LRRC7: variants seen among roughly 807,000 people sequenced by gnomAD.
LRRC7 encodes the protein leucine rich repeat containing 7.
Under a neutral mutation model 175.7 loss-of-function variants are expected in LRRC7, and 23 were observed. That is an observed-to-expected ratio of 0.13 (90% CI 0.09 to 0.19). The LOEUF (loss-of-function observed/expected upper bound fraction) is 0.19, where lower values mean the gene tolerates loss of function less well. Among genes scored for constraint, LRRC7 ranks in the 10% least tolerant of loss-of-function variants. The pLI is 1.00. For synonymous variants in LRRC7, 685 were observed against 680.9 expected (o/e 1.01, Z -0.09); for missense variants, 1,354 against 1,904.7 (o/e 0.71, Z 5.38).
At chr1:69,976,469 A>T (rs1652832704) in intron 8 of LRRC7, among the ~76,000 whole-genome samples, 1 of 152,190 alleles carries the variant, frequency 6.6e-6, no homozygotes. Context: ...TCAAAAATTA[A>T]TCTCCTTTGG....
At chr1:69,855,479 T>A (rs1373484276) in intron 7 of LRRC7, among the ~76,000 whole-genome samples, 1 of 152,198 alleles carries the variant, frequency 6.6e-6, no homozygotes. Flanking sequence ...GATTGCACTG[T>A]GGTTTGAGGG....
chr1:69,935,944 A>T (rs376717303), intron 8 of LRRC7, among the ~76,000 whole-genome samples: 1 of 151,978 alleles, frequency 6.6e-6, no homozygotes, highest in African/African-American at 2.4e-5. Context: ...TGAAGGTTTA[A>T]TTTTTTCATA....
intron 22 of LRRC7, 111 bp from the exon 23 acceptor site, chr1:70,052,915 T>C: frequency 8.9e-7 from 1 of 1,119,574 alleles, no homozygotes; most frequent in Non-Finnish European, 1.2e-6. Context: ...ATGTATGTTT[T>C]TCTGCAATTA....
chr1:70,005,609 G>A (rs907512125), intron 11 of LRRC7, among the ~76,000 whole-genome samples: 1 of 152,154 alleles, frequency 6.6e-6, no homozygotes, highest in Non-Finnish European at 1.5e-5. Flanking sequence ...CATTCATTCT[G>A]AAGCATACAT....
intron 6 of LRRC7, 88 bp downstream of exon 6, chr1:69,834,957 C>T: frequency 1.0e-6 from 1 of 974,594 alleles, no homozygotes; most frequent in Non-Finnish European, 1.6e-6. Context: ...TCAAAAGTGT[C>T]AGTTGTGATT....
chr1:69,593,944 A>T (rs1334835915), intron 1 of LRRC7, among the ~76,000 whole-genome samples: 3 of 152,172 alleles, frequency 2.0e-5, no homozygotes, highest in Admixed American at 2.0e-4. Flanking sequence ...GTATCTCCTG[A>T]GTCTTTGCCA....
chr1:69,618,851 G>A (rs1245188818), intron 1 of LRRC7, among the ~76,000 whole-genome samples: 1 of 152,128 alleles, frequency 6.6e-6, no homozygotes, highest in Non-Finnish European at 1.5e-5. Flanking sequence ...ATTTGAAAAG[G>A]CAGAATAAGG....
intron 7 of LRRC7, among the ~76,000 whole-genome samples, chr1:69,863,932 C>T (rs1684631299): frequency 6.6e-6 from 1 of 152,094 alleles, no homozygotes; most frequent in African/African-American, 2.4e-5. Context: ...TGCCTATCAT[C>T]TATCTCTCCT....
intron 24 of LRRC7, among the ~76,000 whole-genome samples, chr1:70,078,842 A>G (rs544758348): frequency 1.3e-5 from 2 of 151,770 alleles, no homozygotes; most frequent in Non-Finnish European, 2.9e-5. Flanking sequence ...ACACACACAC[A>G]CACACACACA....
chr1:69,611,582 A>G (rs1406917447), intron 1 of LRRC7, among the ~76,000 whole-genome samples: 2 of 152,082 alleles, frequency 1.3e-5, no homozygotes, highest in East Asian at 3.9e-4. Flanking sequence ...ACTTCACTTC[A>G]TACATTTTGC....
rs981901907 is a variant in LRRC7, at chr1:70,137,155, A to G, written c.*15268A>G. Among the ~76,000 whole-genome samples the G allele has an allele frequency of 1.3e-5, 2 of 152,238 alleles. No individual in the cohort carries two copies. Among genetic ancestry groups the G allele is most frequent in the Non-Finnish European group, 2.9e-5 (2 of 68,046 alleles). On this transcript the variant is annotated 3_prime_UTR_variant, in exon 27 of 27. Transcript: ENST00000651989. ...TGACAGTGGGGACGTAAATAACTGC[A>G]GTATCATCCTGAATAAATCATATCA...
At chr1:69,775,061 A>G (rs991607256) in intron 3 of LRRC7, among the ~76,000 whole-genome samples, 2 of 152,180 alleles carry the variant, frequency 1.3e-5, no homozygotes, top group African/African-American at 4.8e-5. Context: ...TAGAAGAGAA[A>G]AACACAGGGA....
At chr1:70,110,504 C>T (rs1332674968) in intron 26 of LRRC7, among the ~76,000 whole-genome samples, 1 of 152,160 alleles carries the variant, frequency 6.6e-6, no homozygotes, top group African/African-American at 2.4e-5. Context: ...TTCAGTATTT[C>T]TAATCCTGGA....
chr1:70,003,930 C>T (rs1453438844), intron 11 of LRRC7, among the ~76,000 whole-genome samples: 2 of 152,036 alleles, frequency 1.3e-5, no homozygotes, highest in Non-Finnish European at 2.9e-5. Flanking sequence ...ATACTTTAAA[C>T]AATATTTCAC....
intron 12 of LRRC7, 141 bp from the exon 13 acceptor site, chr1:70,012,833 T>G: frequency 2.9e-6 from 1 of 339,342 alleles, no homozygotes; most frequent in Non-Finnish European, 5.4e-6. Context: ...TTTAAAGAGC[T>G]ACATTATAAA....
chr1:69,927,323 T>C (rs557485504), intron 7 of LRRC7, among the ~76,000 whole-genome samples: 72 of 152,306 alleles, frequency 4.7e-4, no homozygotes, highest in Middle Eastern at 3.4e-3. Flanking sequence ...TTTGTGGCGT[T>C]CTCTGTATTT....
At chr1:70,066,260 T>C (rs1013693139) in intron 23 of LRRC7, among the ~76,000 whole-genome samples, 8 of 152,014 alleles carry the variant, frequency 5.3e-5, no homozygotes, top group African/African-American at 1.9e-4. Context: ...AATTATTATA[T>C]CTGCATTTTC....
intron 2 of LRRC7, among the ~76,000 whole-genome samples, chr1:69,739,827 G>A (rs1183574586): frequency 2.0e-5 from 3 of 152,066 alleles, no homozygotes; most frequent in African/African-American, 7.2e-5. Flanking sequence ...TTTTCAAGAT[G>A]TCAATCACCA....
At position 69,959,780 on chromosome 1, in the gene LRRC7, G is replaced by T. The variant is rs17131095; in HGVS notation, c.712-20599G>T. On this transcript the variant is annotated intron_variant, in intron 8 of 26. Transcript: ENST00000651989. Reference sequence around the variant, plus strand: ...AACCCAATCAGGGATCAGGTGAACGGTCTTAGAAAACAACATTTGTGTATG... The same window carrying T: ...AACCCAATCAGGGATCAGGTGAACGTTCTTAGAAAACAACATTTGTGTATG... 7.6e-3 allele frequency among the ~76,000 whole-genome samples: 1,151 copies of T among 152,170 alleles called. 14 individuals carry two copies. The highest frequency in any genetic ancestry group is 0.027 in the African/African-American group (1,101 of 41,530).
Sources: allele counts gnomAD v4.1 joint callset (sites outside exome capture counted in the v4.1 genomes callset), GRCh38; gene constraint gnomAD v4.1.1; transcripts MANE v1.5; gene names NCBI Gene and HGNC (gene_info 2026-07-23, HGNC 2026-07-21).